The following TECPR2 variants were observed in gnomAD, a reference collection of about 807,000 sequenced individuals.
The protein encoded by TECPR2 is tectonin beta-propeller repeat-containing protein 2.
In TECPR2, 65 loss-of-function variants were observed where a neutral mutation model predicts 138.1. The observed-to-expected ratio is 0.47, with a 90% CI of 0.39 to 0.58. TECPR2 has a LOEUF of 0.58. Ranked by LOEUF, TECPR2 falls within the 20% of genes least tolerant of loss-of-function variation. The pLI, the probability that TECPR2 is intolerant of heterozygous loss-of-function variation, is 0.00. For synonymous variants in TECPR2, 746 were observed against 749.8 expected, an observed-to-expected ratio of 0.99 and a Z score of 0.08; for missense variants, 1,553 against 1,824.5, an observed-to-expected ratio of 0.85 and a Z score of 2.71.
At chr14:102,496,343 G>C (rs1319921327) in intron 17 of TECPR2, among the ~76,000 whole-genome samples, 5 of 152,226 alleles carry the variant, frequency 3.3e-5, no homozygotes, top group Non-Finnish European at 7.3e-5. Context: ...GGAAGCCCTG[G>C]GGCAAACTGG....
Position 102,368,641 on chromosome 14 carries a change from T to C in TECPR2, c.-73+5525T>C, listed in dbSNP as rs549563956. 4.9e-4 allele frequency among the ~76,000 whole-genome samples: 74 copies of C among 151,422 alleles called. No homozygotes were observed. In the Middle Eastern group the frequency reaches 0.01, roughly 21 times the overall value. ...TTTTTTTTTATTTTTGTCGGTGGTG[T>C]GGATTAGATGTATTTTTACTTTCTT... On this transcript the variant is annotated intron_variant, in intron 1 of 19. Transcript: ENST00000359520.
At chr14:102,404,896 G>A (rs1448309892) in intron 2 of TECPR2, among the ~76,000 whole-genome samples, 3 of 152,022 alleles carry the variant, frequency 2.0e-5, no homozygotes, top group African/African-American at 7.2e-5. Context: ...TTTTGATAAG[G>A]ACGTGAAGAT....
chr14:102,393,367 G>A (rs1033334401), intron 2 of TECPR2, among the ~76,000 whole-genome samples: 1 of 152,148 alleles, frequency 6.6e-6, no homozygotes, highest in Non-Finnish European at 1.5e-5. Flanking sequence ...CTGTAGTTAA[G>A]TGTTAATAAT....
At position 102,500,412 on chromosome 14, in the gene TECPR2, G is replaced by A. The variant is rs910278714; in HGVS notation, c.*2155G>A. On this transcript the variant is annotated 3_prime_UTR_variant, in exon 20 of 20. Coordinates refer to ENST00000359520, the MANE Select transcript of TECPR2 (RefSeq NM_014844.5). ...GTAGCCTCTGAGGAGGACGCTGTGG[G>A]GTGAGGTCCAGGGCTGCCTCCTCAT... 3 of 152,302 alleles carry A rather than the reference G, an allele frequency of 2.0e-5. No individual in the cohort carries two copies. The highest frequency in any genetic ancestry group is 4.8e-5 in the African/African-American group (2 of 41,458). The allele number at this position is 152,302 out of a possible 1,614,324, so 9.4% of individuals were successfully genotyped here.
chr14:102,487,505 G>A (rs1858062103), intron 17 of TECPR2, among the ~76,000 whole-genome samples: 1 of 152,216 alleles, frequency 6.6e-6, no homozygotes, highest in Admixed American at 6.5e-5. Context: ...TTGAAGAACT[G>A]TGGTCTGAGC....
At chr14:102,467,467 G>A (rs1890570610) in intron 17 of TECPR2, among the ~76,000 whole-genome samples, 2 of 151,842 alleles carry the variant, frequency 1.3e-5, no homozygotes, top group Admixed American at 1.3e-4. Flanking sequence ...TGAGATTACA[G>A]GCATGCACCA....
intron 1 of TECPR2, among the ~76,000 whole-genome samples, chr14:102,363,438 C>T (rs1887243172): frequency 6.6e-6 from 1 of 152,210 alleles, no homozygotes; most frequent in Non-Finnish European, 1.5e-5. Context: ...TGCATCCCGG[C>T]TGCCGGTCTG....
intron 19 of TECPR2, 81 bp from the exon 20 acceptor site, chr14:102,498,022 C>CGCCCTAGCTCCCAGCTCCATCTGT: frequency 1.3e-6 from 2 of 1,510,188 alleles, no homozygotes; most frequent in South Asian, 1.3e-5. Flanking sequence ...CCCAGACCTG[C>CGCCCTAGCTCCCAGCTCCATCTGT]GCCCAAGCTC....
intron 17 of TECPR2, among the ~76,000 whole-genome samples, chr14:102,479,437 G>A (rs1890836782): frequency 1.3e-5 from 2 of 152,184 alleles, no homozygotes; most frequent in Admixed American, 1.3e-4. Flanking sequence ...TGTCCTTTGG[G>A]TCATCTTTGG....
intron 17 of TECPR2, among the ~76,000 whole-genome samples, chr14:102,474,986 C>T (rs1466721428): frequency 2.6e-5 from 4 of 152,204 alleles, no homozygotes; most frequent in Admixed American, 6.5e-5. Flanking sequence ...TGTGCCGGGC[C>T]TCCTCAGCCC....
intron 17 of TECPR2, among the ~76,000 whole-genome samples, chr14:102,482,847 T>C (rs1330182457): frequency 1.4e-5 from 2 of 141,894 alleles, no homozygotes; most frequent in Non-Finnish European, 3.1e-5. Context: ...TCTTTTTTTT[T>C]TTTTTTTTTT....
intron 17 of TECPR2, among the ~76,000 whole-genome samples, chr14:102,491,804 G>T (rs984717809): frequency 1.3e-5 from 2 of 152,288 alleles, no homozygotes; most frequent in East Asian, 3.9e-4. Context: ...GCATTGGTTT[G>T]TCCGGGTTGT....
At chr14:102,435,866 A>G (rs1335516620) in intron 9 of TECPR2, among the ~76,000 whole-genome samples, 1 of 152,230 alleles carries the variant, frequency 6.6e-6, no homozygotes, top group East Asian at 1.9e-4. Context: ...TACTTCCCTT[A>G]GCAAGTAATT....
chr14:102,446,080 G>GT, intron 13 of TECPR2, 133 bp downstream of exon 13: 4 of 1,196,214 alleles, frequency 3.3e-6, no homozygotes, highest in Non-Finnish European at 4.5e-6. Context: ...TTGTTTGTTT[G>GT]TTTTGAAACA....
At chr14:102,370,689 G>T (rs1411037628) in intron 1 of TECPR2, among the ~76,000 whole-genome samples, 2 of 152,214 alleles carry the variant, frequency 1.3e-5, no homozygotes, top group African/African-American at 4.8e-5. Flanking sequence ...TTAAGCAAGG[G>T]AGTGATGACA....
intron 17 of TECPR2, 61 bp from the exon 18 acceptor site, chr14:102,496,918 T>G (rs536058373): frequency 1.3e-6 from 2 of 1,592,202 alleles, no homozygotes; most frequent in African/African-American, 2.7e-5. Context: ...TCCGGAAGTC[T>G]CCTGTCCTTT....
At chr14:102,468,640 A>C (rs1366095387) in intron 17 of TECPR2, among the ~76,000 whole-genome samples, 1 of 152,142 alleles carries the variant, frequency 6.6e-6, no homozygotes, top group Non-Finnish European at 1.5e-5. Flanking sequence ...GATGAAGTCC[A>C]GTTTATTAAT....
At chr14:102,473,494 G>A (rs1417608552) in intron 17 of TECPR2, among the ~76,000 whole-genome samples, 1 of 152,226 alleles carries the variant, frequency 6.6e-6, no homozygotes, top group Non-Finnish European at 1.5e-5. Context: ...CATCTGCGTA[G>A]AGGATGTATT....
At chr14:102,456,590 CT>C (rs532308547) in intron 16 of TECPR2, among the ~76,000 whole-genome samples, 285 of 138,132 alleles carry the variant, frequency 2.1e-3, no homozygotes, top group Middle Eastern at 3.7e-3. Flanking sequence ...CCCTCTCGCT[CT>C]TTTTTTTTTT....
Sources: gnomAD v4.1 joint callset for allele counts (sites outside exome capture counted in the v4.1 genomes callset) on GRCh38, gnomAD v4.1.1 for gene constraint, MANE v1.5 for transcripts, NCBI Gene and HGNC (gene_info 2026-07-23, HGNC 2026-07-21) for gene names.